Variants in PPP3CA observed in about 807,000 individuals in gnomAD.
PPP3CA encodes the protein CAM-PRP catalytic subunit.
Under a neutral mutation model 66.5 loss-of-function variants are expected in PPP3CA, and 14 were observed. The ratio of observed to expected loss-of-function variants is 0.21; its 90% confidence interval spans 0.14 to 0.33. The LOEUF is 0.33. PPP3CA is among the 10% of genes least tolerant of loss of function. PPP3CA has a pLI of 1.00. For missense variants in PPP3CA, 317 were observed against 639.5 expected, an observed-to-expected ratio of 0.50 and a Z score of 5.44; for synonymous variants, 232 against 226.2, an observed-to-expected ratio of 1.03 and a Z score of -0.23.
intron 1 of PPP3CA, among the ~76,000 whole-genome samples, chr4:101,234,258 C>A (rs1726055801): frequency 6.6e-6 from 1 of 151,698 alleles, no homozygotes; most frequent in Non-Finnish European, 1.5e-5. Flanking sequence ...TGGGTATATA[C>A]AGTAATAGGA....
At chr4:101,033,292 AAACACACACACACAC>A (rs1560571201) in intron 11 of PPP3CA, among the ~76,000 whole-genome samples, 1,007 of 88,176 alleles carry the variant, frequency 0.011, 7 homozygotes, top group Middle Eastern at 0.057. Flanking sequence ...ACACACACAC[AAACACACACACACAC>A]ACACACACAC....
chr4:101,119,387 C>T (rs1254349785), intron 2 of PPP3CA, among the ~76,000 whole-genome samples: 4 of 151,956 alleles, frequency 2.6e-5, no homozygotes, highest in African/African-American at 7.2e-5. Flanking sequence ...TGTAGCAAAG[C>T]TCATTTACAA....
In PPP3CA at chr4:101,324,160, GGAAGGAAGGAAGGAAGGAAGGA is replaced by G. The variant is rs1729133761; in HGVS notation, c.58+22557_58+22578del. On this transcript the variant is annotated intron_variant, in intron 1 of 13. Transcript: ENST00000394854. ...GGAAGGGAAGGAAGGGAGGGAGGAAGGAAGGAAGGAAGGAAGGAAGGAAGGAAGGAAGGAAGGAAGGAAGGAA... is the reference window on the plus strand; with the variant it reads ...GGAAGGGAAGGAAGGGAGGGAGGAAGAGGAAGGAAGGAAGGAAGGAAGGAA... Among the ~76,000 whole-genome samples the G allele has an allele frequency of 1.3e-3, 111 of 82,428 alleles. 1 individual carries two copies. Among genetic ancestry groups the G allele is most frequent in the African/African-American group, 4.6e-3 (97 of 20,952 alleles). 54.1% of individuals were successfully genotyped at this position (82,428 alleles called of 152,430 possible).
At chr4:101,202,091 A>T (rs1324796744) in intron 1 of PPP3CA, among the ~76,000 whole-genome samples, 2 of 152,202 alleles carry the variant, frequency 1.3e-5, no homozygotes, top group African/African-American at 4.8e-5. Context: ...ATGAGAAAAA[A>T]ATATATAAGT....
chr4:101,127,873 A>C (rs1722296282), intron 2 of PPP3CA, among the ~76,000 whole-genome samples: 1 of 151,044 alleles, frequency 6.6e-6, no homozygotes. Context: ...AGTATTTATC[A>C]TCATTTCCCA....
intron 6 of PPP3CA, among the ~76,000 whole-genome samples, chr4:101,089,864 A>T (rs1425743740): frequency 1.3e-5 from 2 of 152,204 alleles, no homozygotes. Context: ...TGCCTATCTG[A>T]TATAACTCAG....
chr4:101,102,984 A>G (rs2110257408), intron 3 of PPP3CA, among the ~76,000 whole-genome samples: 1 of 152,302 alleles, frequency 6.6e-6, no homozygotes, highest in South Asian at 2.1e-4. Context: ...AGGTTACTCA[A>G]TATGAAAGAT....
At chr4:101,305,831 C>T (rs1728518758) in intron 1 of PPP3CA, among the ~76,000 whole-genome samples, 1 of 152,104 alleles carries the variant, frequency 6.6e-6, no homozygotes, top group Admixed American at 6.5e-5. Flanking sequence ...TTAATATCTT[C>T]TTTTACATCC....
At chr4:101,034,120 C>A (rs908684732) in intron 11 of PPP3CA, among the ~76,000 whole-genome samples, 2 of 152,130 alleles carry the variant, frequency 1.3e-5, no homozygotes, top group Non-Finnish European at 2.9e-5. Flanking sequence ...TCACAAAGGC[C>A]TTAAAATAAA....
intron 2 of PPP3CA, among the ~76,000 whole-genome samples, chr4:101,164,987 A>T (rs1252536242): frequency 6.6e-6 from 1 of 152,092 alleles, no homozygotes; most frequent in Non-Finnish European, 1.5e-5. Context: ...AGTGATTAGC[A>T]CTGACTCTGG....
chr4:101,324,625 C>CATTTGGTAT (rs1469582235), intron 1 of PPP3CA, among the ~76,000 whole-genome samples: 4 of 151,890 alleles, frequency 2.6e-5, no homozygotes, highest in African/African-American at 7.3e-5. Context: ...AGTTTTTGTC[C>CATTTGGTAT]ATTTGGTATT....
chr4:101,124,663 CAGAAAGAAAGAAAGAAAGAA>C (rs1227730298), intron 2 of PPP3CA, among the ~76,000 whole-genome samples: 560 of 55,180 alleles, frequency 0.01, 20 homozygotes, highest in African/African-American at 0.031. Flanking sequence ...GAGAGAGAGA[CAGAAAGAAAGAAAGAAAGAA>C]AGAAAGAAAG....
intron 2 of PPP3CA, among the ~76,000 whole-genome samples, chr4:101,143,138 T>C (rs1294029108): frequency 2.0e-5 from 3 of 152,092 alleles, no homozygotes; most frequent in Non-Finnish European, 2.9e-5. Context: ...CATTCTCTGT[T>C]TTCTGGTTCT....
intron 1 of PPP3CA, among the ~76,000 whole-genome samples, chr4:101,342,912 T>C (rs1230992592): frequency 1.3e-5 from 2 of 152,210 alleles, no homozygotes. Flanking sequence ...CTTATTTACT[T>C]AATAATACTT....
At chr4:101,339,926 T>A (rs1476848218) in intron 1 of PPP3CA, among the ~76,000 whole-genome samples, 2 of 152,186 alleles carry the variant, frequency 1.3e-5, no homozygotes, top group Non-Finnish European at 2.9e-5. Flanking sequence ...AAACTACTAC[T>A]AATTCTTCCC....
chr4:101,285,183 T>C (rs917768509), intron 1 of PPP3CA, among the ~76,000 whole-genome samples: 1 of 152,172 alleles, frequency 6.6e-6, no homozygotes, highest in African/African-American at 2.4e-5. Context: ...TACAGGTTTC[T>C]TTCAGGTAAA....
chr4:101,032,692 T>C (rs1727033842), intron 11 of PPP3CA, among the ~76,000 whole-genome samples: 1 of 152,186 alleles, frequency 6.6e-6, no homozygotes, highest in Non-Finnish European at 1.5e-5. Context: ...GTGCATTCTG[T>C]ATGTTAAAAG....
intron 1 of PPP3CA, among the ~76,000 whole-genome samples, chr4:101,246,697 G>C (rs554709457): frequency 6.6e-6 from 1 of 152,028 alleles, no homozygotes; most frequent in Admixed American, 6.6e-5. Flanking sequence ...TACACACACA[G>C]TGTGTACCTA....
chr4:101,207,091 G>A lies in PPP3CA; in HGVS notation c.59-10975C>T, dbSNP rs142475290. The stretch of plus-strand genomic sequence containing the variant: ...TTTGAAAAACTAAATGATTTTCATC[G>A]CATATGTGAATGCAGGGTCACAAAT... On this transcript the variant is annotated intron_variant, in intron 1 of 13. Coordinates refer to ENST00000394854, the MANE Select transcript of PPP3CA (RefSeq NM_000944.5). Among the ~76,000 whole-genome samples, 690 of 152,166 alleles carry A rather than the reference G, an allele frequency of 4.5e-3. 3 individuals carry two copies. Among genetic ancestry groups the A allele is most frequent in the Middle Eastern group, 0.017 (5 of 294 alleles).
Sources: allele counts gnomAD v4.1 joint callset (sites outside exome capture counted in the v4.1 genomes callset), GRCh38; gene constraint gnomAD v4.1.1; transcripts MANE v1.5; gene names NCBI Gene and HGNC (gene_info 2026-07-23, HGNC 2026-07-21).